Variants in TMEM229B observed in about 807,000 individuals in gnomAD.
TMEM229B encodes the protein chromosome 14 open reading frame 83.
In TMEM229B, 6 loss-of-function variants were observed where a neutral mutation model predicts 13.7. That is an observed-to-expected ratio of 0.44 (90% CI 0.24 to 0.86). The LOEUF is 0.86. Ranked by LOEUF, TMEM229B falls within the 40% of genes least tolerant of loss-of-function variation. TMEM229B has a pLI of 0.23. For missense variants in TMEM229B, 170 were observed against 236.0 expected (o/e 0.72, Z 1.83); for synonymous variants, 107 against 102.1 (o/e 1.05, Z -0.29).
intron 1 of TMEM229B, among the ~76,000 whole-genome samples, chr14:67,508,224 G>A (rs904901271): frequency 1.3e-5 from 2 of 151,454 alleles, no homozygotes; most frequent in African/African-American, 4.9e-5. Flanking sequence ...TTAGCTTCCA[G>A]TTTGACTTCT....
intron 1 of TMEM229B, among the ~76,000 whole-genome samples, chr14:67,510,038 A>G (rs575304636): frequency 4.6e-5 from 7 of 152,280 alleles, no homozygotes; most frequent in Admixed American, 2.6e-4. Context: ...AAAAAAAAAA[A>G]GAATCAGATA....
chr14:67,514,501 G>A (rs957004826), intron 1 of TMEM229B, among the ~76,000 whole-genome samples: 5 of 152,128 alleles, frequency 3.3e-5, no homozygotes, highest in African/African-American at 1.2e-4. Context: ...AGTGGAGGGC[G>A]CCTAGGTGTG....
chr14:67,474,943 T>C (rs966187692), intron 2 of TMEM229B, among the ~76,000 whole-genome samples: 2 of 132,484 alleles, frequency 1.5e-5, no homozygotes, highest in East Asian at 4.2e-4. Flanking sequence ...TGTGACGGAG[T>C]CTCGCTCTGT....
At position 67,473,774 on chromosome 14, in the gene TMEM229B, G is replaced by A. The variant is rs2030954901; in HGVS notation, c.150C>T (p.Leu50=). 3 of 1,613,958 alleles carry A rather than the reference G, an allele frequency of 1.9e-6. No homozygotes were observed. Among genetic ancestry groups the A allele is most frequent in the Non-Finnish European group, 2.5e-6 (3 of 1,179,954 alleles). Residue 50 remains leucine (L), a synonymous_variant, in exon 3 of 3, where the codon CTC becomes CTT. Coordinates refer to ENST00000554480, the MANE Select transcript of TMEM229B (RefSeq NM_001348543.2). The surrounding 1 kb of genome is among the most constrained non-coding windows in gnomAD (Gnocchi z 6.5). ...KFPGVTSVWA[L]FIYGTSILIV... ...TGAGGATGGAGGTGCCGTAGATGAA[G>A]AGGGCCCACACGCTCGTGACCCCAG...
intron 1 of TMEM229B, among the ~76,000 whole-genome samples, chr14:67,521,819 C>T (rs2033294833): frequency 1.3e-5 from 2 of 152,180 alleles, no homozygotes; most frequent in South Asian, 4.1e-4. Flanking sequence ...CACATCACCT[C>T]ATACTTTTAA....
At position 67,473,996 on chromosome 14, in the gene TMEM229B, T is replaced by C; in HGVS notation, c.-18-55A>G. The C allele has an allele frequency of 6.8e-7, 1 of 1,481,264 alleles. No individual in the cohort carries two copies. The highest frequency in any genetic ancestry group is 9.0e-7 in the Non-Finnish European group (1 of 1,116,064). 91.8% of individuals were successfully genotyped at this position (1,481,264 alleles called of 1,614,324 possible). A position where few individuals can be genotyped will look rare whatever the true frequency, so the allele number is the denominator to read the frequency against. On this transcript the variant is annotated intron_variant, in intron 2 of 2. Coordinates refer to ENST00000554480, the MANE Select transcript of TMEM229B (RefSeq NM_001348543.2). The surrounding 1 kb of genome is among the most constrained non-coding windows in gnomAD (Gnocchi z 6.5). ...GGCCGGGCGCGGTGGCTCACGCCTA[T>C]AATCCCTGCGCTTTGGGAGGCCGAG...
intron 1 of TMEM229B, among the ~76,000 whole-genome samples, chr14:67,532,397 T>A (rs1456982844): frequency 6.6e-6 from 1 of 152,084 alleles, no homozygotes; most frequent in African/African-American, 2.4e-5. Context: ...CTCCCTGCAA[T>A]GGTCTCTATT....
rs1339596665 is a variant in TMEM229B, at chr14:67,471,606, C to T, written c.*1814G>A. 2.0e-5 allele frequency: 3 copies of T among 152,200 alleles called. No homozygotes were observed. Among genetic ancestry groups the T allele is most frequent in the Admixed American group, 6.6e-5 (1 of 15,260 alleles). The allele number at this position is 152,200 out of a possible 1,614,324, so 9.4% of individuals were successfully genotyped here. ...TGGCCACTGCAGAAAGTAGTTCATC[C>T]CTGGATTTGAGGAGCCTGCCCAGGA... On this transcript the variant is annotated 3_prime_UTR_variant, in exon 3 of 3. Coordinates refer to ENST00000554480, the MANE Select transcript of TMEM229B (RefSeq NM_001348543.2).
At chr14:67,504,615 G>A (rs560651458) in intron 1 of TMEM229B, among the ~76,000 whole-genome samples, 1 of 152,250 alleles carries the variant, frequency 6.6e-6, no homozygotes, top group Admixed American at 6.5e-5. Context: ...GGCCATGTGC[G>A]GTGGCTCACA....
In TMEM229B at chr14:67,473,741, C is replaced by T. The variant is rs751395110; in HGVS notation, c.183G>A (p.Glu61=). Residue 61 remains glutamate, a synonymous_variant, in exon 3 of 3, where the codon GAG becomes GAA. Coordinates refer to ENST00000554480, the MANE Select transcript of TMEM229B (RefSeq NM_001348543.2). The surrounding 1 kb of genome is among the most constrained non-coding windows in gnomAD (Gnocchi z 6.5). ...GGCCGCGCAGCCGCAGGTACATGCG[C>T]TCCACGATGAGGATGGAGGTGCCGT... ...FIYGTSILIV[E]RMYLRLRGRC... is the part of the protein sequence containing the mutation. The T allele has an allele frequency of 1.9e-6, 3 of 1,613,076 alleles. No individual in the cohort carries two copies. Among genetic ancestry groups the T allele is most frequent in the Non-Finnish European group, 2.5e-6 (3 of 1,179,622 alleles).
At chr14:67,512,356 C>T (rs2033056100) in intron 1 of TMEM229B, among the ~76,000 whole-genome samples, 1 of 152,212 alleles carries the variant, frequency 6.6e-6, no homozygotes. Flanking sequence ...CCAATAGAGG[C>T]TGAAATTCCT....
chr14:67,521,789 A>G (rs1391757447), intron 1 of TMEM229B, among the ~76,000 whole-genome samples: 1 of 152,230 alleles, frequency 6.6e-6, no homozygotes, highest in Non-Finnish European at 1.5e-5. Flanking sequence ...CAAAGTGAGA[A>G]TAAGAGCACA....
rs761073899 is a variant in TMEM229B at position 67,471,884 on chromosome 14, G to C, written c.*1536C>G. 6.6e-6 allele frequency: 1 copy of C among 152,258 alleles called. No homozygotes were observed. Among genetic ancestry groups the C allele is most frequent in the Non-Finnish European group, 1.5e-5 (1 of 68,072 alleles). 9.4% of individuals were successfully genotyped at this position (152,258 alleles called of 1,614,324 possible). A position where few individuals can be genotyped will look rare whatever the true frequency, so the allele number is the denominator to read the frequency against. ...GGGGAAGGCTAATTTCTACCTAAGA[G>C]TCCTAGTGTGGTCAAGAAGAGACCA... On this transcript the variant is annotated 3_prime_UTR_variant, in exon 3 of 3. Coordinates refer to ENST00000554480, the MANE Select transcript of TMEM229B (RefSeq NM_001348543.2).
upstream of TMEM229B, among the ~76,000 whole-genome samples, chr14:67,519,336 G>A (rs536181386): frequency 2.0e-5 from 3 of 152,226 alleles, no homozygotes; most frequent in African/African-American, 4.8e-5. Context: ...AAACAAGCTC[G>A]AAAGGACTAG....
At chr14:67,488,840 T>G (rs2032035502), upstream of TMEM229B, 1 of 152,202 alleles carries the variant, frequency 6.6e-6, no homozygotes, top group Non-Finnish European at 1.5e-5. Flanking sequence ...GCCCCAGCAC[T>G]CAGAAAGGCT....
intron 1 of TMEM229B, among the ~76,000 whole-genome samples, chr14:67,524,054 G>A (rs1208358180): frequency 6.6e-6 from 1 of 152,054 alleles, no homozygotes; most frequent in Non-Finnish European, 1.5e-5. Flanking sequence ...GGAACTGGCC[G>A]CTCAGAGACC....
upstream of TMEM229B, among the ~76,000 whole-genome samples, chr14:67,489,069 CAG>C (rs1412757780): frequency 6.6e-6 from 1 of 152,168 alleles, no homozygotes; most frequent in African/African-American, 2.4e-5. Flanking sequence ...GGACCTGAAC[CAG>C]AGTTTCTTGG....
At position 67,473,437 on chromosome 14, in the gene TMEM229B, G is replaced by C; in HGVS notation, c.487C>G (p.His163Asp). ...CTTCCTGCTCAGTCAGTCTTGACATGGCCGTTGGCCAGGGCTAGGGCGCCG... is the reference window on the plus strand; with the variant it reads ...CTTCCTGCTCAGTCAGTCTTGACATCGCCGTTGGCCAGGGCTAGGGCGCCG... ...PSGALALANG[H>D]VKTD The change falls in exon 3 of 3, where the codon CAT becomes GAT. Residue 163 changes from histidine (H) to aspartate (D), a missense_variant. By Grantham distance (81) the His-to-Asp change is moderately conservative (BLOSUM62 -1). Around this residue, in one of 4 missense-constraint regions of TMEM229B, gnomAD observed 70 missense variants for 60.9 expected, o/e 1.15. Coordinates refer to ENST00000554480, the MANE Select transcript of TMEM229B (RefSeq NM_001348543.2). The surrounding 1 kb of genome is among the most constrained non-coding windows in gnomAD (Gnocchi z 6.5). The C allele has an allele frequency of 6.2e-7, 1 of 1,614,042 alleles. No individual in the cohort carries two copies. The highest frequency in any genetic ancestry group is 8.5e-7 in the Non-Finnish European group (1 of 1,180,002).
chr14:67,501,142 A>G (rs2140194313), intron 1 of TMEM229B, among the ~76,000 whole-genome samples: 1 of 151,860 alleles, frequency 6.6e-6, no homozygotes, highest in Middle Eastern at 3.4e-3. Flanking sequence ...CCTAGGGGCA[A>G]CAGGTCCCAA....
Sources: allele counts gnomAD v4.1 joint callset (sites outside exome capture counted in the v4.1 genomes callset), GRCh38; gene constraint gnomAD v4.1.1; regional missense constraint gnomAD v4.1.1; non-coding constraint Gnocchi (gnomAD v3.1); transcripts MANE v1.5; gene names NCBI Gene and HGNC (gene_info 2026-07-23, HGNC 2026-07-21).